The following AP2A2 variants were observed in gnomAD, a reference collection of about 807,000 sequenced individuals.
AP2A2 encodes AP-2 complex subunit alpha-2.
Under a neutral mutation model 104.2 loss-of-function variants are expected in AP2A2, and 32 were observed. The ratio of observed to expected loss-of-function variants is 0.31; its 90% CI spans 0.23 to 0.41. The LOEUF is 0.41. AP2A2 is among the 10% of genes least tolerant of loss of function. The pLI is 1.00. For synonymous variants in AP2A2, 539 were observed against 533.3 expected (o/e 1.01, Z -0.15); for missense variants, 912 against 1,261.0 (o/e 0.72, Z 4.19).
intron 4 of AP2A2, among the ~76,000 whole-genome samples, chr11:972,881 C>T (rs995456646): frequency 3.3e-5 from 5 of 152,286 alleles, no homozygotes; most frequent in East Asian, 1.9e-4. Context: ...CGTGCCCGTT[C>T]CCCAGGGCTT....
At chr11:977,861 G>A (rs900041783) in intron 5 of AP2A2, among the ~76,000 whole-genome samples, 1 of 152,136 alleles carries the variant, frequency 6.6e-6, no homozygotes, top group Non-Finnish European at 1.5e-5. Flanking sequence ...GCGTGGAGAG[G>A]CATGTGGGCC....
chr11:1,010,047 T>A, intron 21 of AP2A2: 1 of 550,726 alleles, frequency 1.8e-6, no homozygotes, highest in Non-Finnish European at 3.2e-6. Flanking sequence ...TGTGCCTGTT[T>A]AACCACCACC....
chr11:1,005,808 G>A (rs114685958), intron 16 of AP2A2, among the ~76,000 whole-genome samples: 3,396 of 152,308 alleles, frequency 0.022, 133 homozygotes, highest in African/African-American at 0.076. Flanking sequence ...GCTCTGGGCC[G>A]TGATAGCTTC....
chr11:998,201 C>T (rs1031081834), intron 14 of AP2A2, among the ~76,000 whole-genome samples: 8 of 152,334 alleles, frequency 5.3e-5, no homozygotes, highest in African/African-American at 1.7e-4. Context: ...CCTCTGTGAC[C>T]TCCCACCCTT....
intron 5 of AP2A2, 34 bp from the exon 6 acceptor site, chr11:981,164 G>T: frequency 6.4e-7 from 1 of 1,560,034 alleles, no homozygotes; most frequent in South Asian, 1.2e-5. Flanking sequence ...TTAGCTTCAA[G>T]TGTTCTGACT....
At chr11:976,492 C>T (rs1482004778) in intron 4 of AP2A2, among the ~76,000 whole-genome samples, 1 of 152,132 alleles carries the variant, frequency 6.6e-6, no homozygotes, top group Non-Finnish European at 1.5e-5. Context: ...AGCTGCTTAG[C>T]AGAATCTGGT....
chr11:938,264 C>T (rs1589945728), intron 1 of AP2A2, among the ~76,000 whole-genome samples: 2 of 152,156 alleles, frequency 1.3e-5, no homozygotes, highest in South Asian at 2.1e-4. Context: ...CTTCTCCCAT[C>T]GCCTGAAGTC....
chr11:936,724 CCTT>C (rs1411956384), intron 1 of AP2A2, among the ~76,000 whole-genome samples: 2 of 152,110 alleles, frequency 1.3e-5, no homozygotes, highest in African/African-American at 2.4e-5. Context: ...GTGAATTTCA[CCTT>C]CTTAGAGCAG....
At position 988,614 on chromosome 11, in the gene AP2A2, C is replaced by T; in HGVS notation, c.1194C>T (p.Arg398=). The change falls in exon 10 of 22, where the codon CGC becomes CGT. Residue 398 remains arginine (R), a synonymous_variant. Transcript: ENST00000448903. ...ACCTCCTCTACGCCATGTGCGACCG[C>T]AGCAACGCCCCACAGATCGTGGCCG... ...AVDLLYAMCD[R]SNAPQIVAEM... 2 of 1,613,602 alleles carry T rather than the reference C, an allele frequency of 1.2e-6. No individual in the cohort carries two copies. Among genetic ancestry groups the T allele is most frequent in the Admixed American group, 1.7e-5 (1 of 60,028 alleles).
At chr11:966,555 G>A (rs911179164) in intron 2 of AP2A2, among the ~76,000 whole-genome samples, 1 of 152,194 alleles carries the variant, frequency 6.6e-6, no homozygotes, top group African/African-American at 2.4e-5. Flanking sequence ...ATTTTACCGT[G>A]AGTTTGCTTG....
Position 933,761 on chromosome 11 carries a change from G to A in AP2A2, c.67+7673G>A, listed in dbSNP as rs528554798. On this transcript the variant is annotated intron_variant, in intron 1 of 21. Coordinates refer to ENST00000448903, the MANE Select transcript of AP2A2 (RefSeq NM_012305.4). ...GCGGGGATGACCCCAGAGACACAGG[G>A]AGCTTGGAACCATGCTTCTGTATTC... 6.6e-4 allele frequency among the ~76,000 whole-genome samples: 100 copies of A among 152,176 alleles called. 1 individual carries two copies. Among genetic ancestry groups the A allele is most frequent in the Non-Finnish European group, 1.3e-3 (87 of 68,030 alleles).
chr11:981,420 C>T lies in AP2A2; in HGVS notation c.705+121C>T, dbSNP rs569250211. On this transcript the variant is annotated intron_variant, in intron 6 of 21. Coordinates refer to ENST00000448903, the MANE Select transcript of AP2A2 (RefSeq NM_012305.4). ...TTATAAATTCAGGGATGAAAACCAACTTGGCTTCTCTGTCAGCCTTCTTGT... is the reference window on the plus strand; with the variant it reads ...TTATAAATTCAGGGATGAAAACCAATTTGGCTTCTCTGTCAGCCTTCTTGT... The T allele has an allele frequency of 1.6e-3, 1,334 of 818,204 alleles. 11 individuals carry two copies. In the Middle Eastern group the frequency reaches 0.017, roughly 10 times the overall value. 50.7% of individuals were successfully genotyped at this position (818,204 alleles called of 1,614,324 possible).
intron 18 of AP2A2, 79 bp from the exon 19 acceptor site, chr11:1,009,017 TCTCA>T (rs1012918416): frequency 2.5e-6 from 3 of 1,182,926 alleles, no homozygotes; most frequent in African/African-American, 3.0e-5. Context: ...TCGGGACGCT[TCTCA>T]CTCCAGGCTC....
In AP2A2 at chr11:964,009, C is replaced by T. The variant is rs77542835; in HGVS notation, c.136+4504C>T. On this transcript the variant is annotated intron_variant, in intron 2 of 21. Coordinates refer to ENST00000448903, the MANE Select transcript of AP2A2 (RefSeq NM_012305.4). ...CATAGAGTGGCCCCCACAACAGAGGCGTCAGCCAGGATGTCAGTGGTGCCA... is the reference window on the plus strand; with the variant it reads ...CATAGAGTGGCCCCCACAACAGAGGTGTCAGCCAGGATGTCAGTGGTGCCA... Among the ~76,000 whole-genome samples, 5 of 152,328 alleles carry T rather than the reference C, an allele frequency of 3.3e-5. No homozygotes were observed. In the East Asian group the frequency reaches 5.8e-4, roughly 18 times the overall value.
chr11:999,403 T>C (rs1206452162), intron 14 of AP2A2, among the ~76,000 whole-genome samples: 1 of 152,184 alleles, frequency 6.6e-6, no homozygotes, highest in Non-Finnish European at 1.5e-5. Flanking sequence ...TCCCAGCTAC[T>C]TGGGAGGCTG....
intron 5 of AP2A2, among the ~76,000 whole-genome samples, chr11:978,034 A>G (rs988216213): frequency 3.9e-5 from 6 of 152,124 alleles, no homozygotes; most frequent in Admixed American, 1.3e-4. Flanking sequence ...CCCGCTTTGC[A>G]GTCAAGGAGG....
At chr11:988,364 A>G (rs2133720756) in intron 9 of AP2A2, among the ~76,000 whole-genome samples, 188 bp from the exon 10 acceptor site, 1 of 152,360 alleles carries the variant, frequency 6.6e-6, no homozygotes, top group Middle Eastern at 3.4e-3. Context: ...CCGGGCCAGC[A>G]GGCGGAACTC....
In AP2A2 at chr11:926,138, CG is replaced by C. The variant is rs984605075; in HGVS notation, c.67+54del. On this transcript the variant is annotated intron_variant, in intron 1 of 21. Coordinates refer to ENST00000448903, the MANE Select transcript of AP2A2 (RefSeq NM_012305.4). ...CCGGGGCCGGGGCCGCCGGCGGAGA[CG>C]GGGTCTGGGAGCGGAGGCCCGGGGC... 3.6e-5 allele frequency: 42 copies of C among 1,162,692 alleles called. No homozygotes were observed. The African/African-American group carries it at 7.0e-4, about 19-fold the overall frequency. The allele number at this position is 1,162,692 out of a possible 1,614,324, so 72.0% of individuals were successfully genotyped here.
intron 4 of AP2A2, among the ~76,000 whole-genome samples, chr11:976,299 T>C (rs1419824852): frequency 6.6e-6 from 1 of 152,168 alleles, no homozygotes; most frequent in Non-Finnish European, 1.5e-5. Context: ...TGGAATAGTA[T>C]AGGGGGAGAT....
Sources: gnomAD v4.1 joint callset for allele counts (sites outside exome capture counted in the v4.1 genomes callset) on GRCh38, gnomAD v4.1.1 for gene constraint, MANE v1.5 for transcripts, NCBI Gene and HGNC (gene_info 2026-07-23, HGNC 2026-07-21) for gene names.